PTPRM: variants seen among roughly 807,000 people sequenced by gnomAD.
PTPRM encodes the protein receptor-type tyrosine-protein phosphatase mu.
Under a neutral mutation model 186.7 loss-of-function variants are expected in PTPRM, and 47 were observed. That is an observed-to-expected ratio of 0.25 (90% confidence interval 0.20 to 0.32). The LOEUF (loss-of-function observed/expected upper bound fraction) is 0.32. Ranked by LOEUF, PTPRM falls within the 10% of genes least tolerant of loss-of-function variation. The pLI, the probability that PTPRM is intolerant of heterozygous loss-of-function variation, is 1.00. For missense variants in PTPRM, 1,494 were observed against 1,865.0 expected, an observed-to-expected ratio of 0.80 and a Z score of 3.66; for synonymous variants, 668 against 674.9, an observed-to-expected ratio of 0.99 and a Z score of 0.16.
chr18:8,028,569 A>G (rs1025681085), intron 7 of PTPRM, among the ~76,000 whole-genome samples: 9 of 152,258 alleles, frequency 5.9e-5, no homozygotes, highest in Admixed American at 2.6e-4. Flanking sequence ...CATTAAAACC[A>G]TATGTGTAAA....
At chr18:8,280,747 C>T (rs80006423) in intron 19 of PTPRM, among the ~76,000 whole-genome samples, 6,352 of 152,222 alleles carry the variant, frequency 0.042, 170 homozygotes, top group Middle Eastern at 0.082. Flanking sequence ...TAGAACTGCC[C>T]TTACGTTCTT....
intron 7 of PTPRM, among the ~76,000 whole-genome samples, chr18:7,980,507 C>G (rs1366866928): frequency 6.6e-6 from 1 of 151,986 alleles, no homozygotes; most frequent in Non-Finnish European, 1.5e-5. Flanking sequence ...CCTCAGCCTC[C>G]CAGGTAGCTA....
rs1448044959 is a variant in PTPRM at position 8,370,927 on chromosome 18, T to C, written c.3092T>C (p.Ile1031Thr). Residue 1031 changes from isoleucine (I) to threonine (T), a missense_variant, in exon 24 of 33, where the codon ATA (isoleucine) becomes ACA (threonine). Ile to Thr is a moderately conservative substitution (Grantham distance 89). Around this residue, in one of 3 missense-constraint regions of PTPRM, gnomAD observed 1,107 missense variants for 1,350.2 expected, o/e 0.82. Transcript: ENST00000580170. ...CCKYWPDDTE[I>T]YKDIKVTLIE... ...AAATACTGGCCAGATGACACAGAGA[T>C]ATATAAAGACATTAAAGTTACCCTA... 1 of 1,605,718 alleles carries C rather than the reference T, an allele frequency of 6.2e-7. No individual in the cohort carries two copies. Among genetic ancestry groups the C allele is most frequent in the Non-Finnish European group, 8.5e-7 (1 of 1,173,532 alleles).
intron 13 of PTPRM, among the ~76,000 whole-genome samples, chr18:8,118,425 C>A (rs943127835): frequency 2.0e-5 from 3 of 152,130 alleles, no homozygotes; most frequent in African/African-American, 7.2e-5. Context: ...CAAGCTTGTA[C>A]AACCCATGGC....
chr18:8,290,053 G>A (rs1255486516), intron 19 of PTPRM, among the ~76,000 whole-genome samples: 2 of 152,102 alleles, frequency 1.3e-5, no homozygotes, highest in African/African-American at 4.8e-5. Context: ...TGGCCCATCA[G>A]GCAAAGTTAG....
chr18:7,705,329 GT>G (rs1568041119), intron 1 of PTPRM, among the ~76,000 whole-genome samples: 12 of 129,968 alleles, frequency 9.2e-5, no homozygotes, highest in Admixed American at 8.5e-4. Context: ...CTATCTATCT[GT>G]CTATCTAGCT....
chr18:7,654,481 T>C (rs2038801581), intron 1 of PTPRM, among the ~76,000 whole-genome samples: 1 of 152,226 alleles, frequency 6.6e-6, no homozygotes, highest in African/African-American at 2.4e-5. Flanking sequence ...TTTTTGCTTC[T>C]GTTGCAGTTG....
At chr18:7,606,145 G>C (rs554948131) in intron 1 of PTPRM, among the ~76,000 whole-genome samples, 2 of 151,948 alleles carry the variant, frequency 1.3e-5, no homozygotes, top group African/African-American at 4.8e-5. Context: ...AAAGTCCTGC[G>C]GATCTAGTGG....
rs529414107 is a variant in PTPRM at position 8,045,372 on chromosome 18, A to G, written c.1133-24314A>G. On this transcript the variant is annotated intron_variant, in intron 7 of 32. Transcript: ENST00000580170. ...AAACAAAACTTAAACACGAATGTTC[A>G]CAGCAACATTTGTCATAATGGCCAA... Among the ~76,000 whole-genome samples, 4 of 152,340 alleles carry G rather than the reference A, an allele frequency of 2.6e-5. No homozygotes were observed. The East Asian group carries it at 7.7e-4, about 29-fold the overall frequency.
intron 2 of PTPRM, 178 bp from the exon 3 acceptor site, chr18:7,887,927 TA>T (rs2048867189): frequency 1.3e-6 from 1 of 793,156 alleles, no homozygotes; most frequent in Admixed American, 1.7e-5. Context: ...TGAGAACATA[TA>T]GGGGGATGAT....
chr18:8,175,469 A>G (rs2093467157), intron 14 of PTPRM, among the ~76,000 whole-genome samples: 1 of 152,162 alleles, frequency 6.6e-6, no homozygotes, highest in Non-Finnish European at 1.5e-5. Context: ...CTTTGTTTTT[A>G]TTTTTGTTTT....
At chr18:8,016,530 C>CAAAAAAAAAAAAAAAAAAAAAAAAA (rs563624187) in intron 7 of PTPRM, among the ~76,000 whole-genome samples, 1 of 70,214 alleles carries the variant, frequency 1.4e-5, no homozygotes, top group African/African-American at 5.1e-5. Context: ...AAGAGTCTGT[C>CAAAAAAAAAAAAAAAAAAAAAAAAA]AAAAAAAAAA....
chr18:8,118,903 G>A (rs1317815898), intron 13 of PTPRM, among the ~76,000 whole-genome samples: 1 of 149,188 alleles, frequency 6.7e-6, no homozygotes, highest in African/African-American at 2.5e-5. Flanking sequence ...TGTGGCCCAA[G>A]ACACTTCTTC....
At chr18:7,824,250 A>T (rs2045361662) in intron 2 of PTPRM, among the ~76,000 whole-genome samples, 2 of 152,104 alleles carry the variant, frequency 1.3e-5, no homozygotes, top group Non-Finnish European at 2.9e-5. Flanking sequence ...TGCATTTGGG[A>T]CATCACTGTT....
At chr18:8,314,888 T>C in intron 21 of PTPRM, 31 bp downstream of exon 21, 4 of 1,399,166 alleles carry the variant, frequency 2.9e-6, no homozygotes, top group Non-Finnish European at 4.0e-6. Flanking sequence ...AATTGATATA[T>C]AATTGTTGTA....
intron 19 of PTPRM, among the ~76,000 whole-genome samples, chr18:8,277,971 A>G (rs551072979): frequency 6.6e-6 from 1 of 152,334 alleles, no homozygotes; most frequent in African/African-American, 2.4e-5. Flanking sequence ...ACTATGGAAA[A>G]ACATAAGCAT....
chr18:8,268,078 G>A (rs1196637335), intron 19 of PTPRM, among the ~76,000 whole-genome samples: 1 of 152,168 alleles, frequency 6.6e-6, no homozygotes, highest in East Asian at 1.9e-4. Context: ...AATCACCAAG[G>A]CCATGGGAAA....
At chr18:7,587,971 A>T (rs928126855) in intron 1 of PTPRM, among the ~76,000 whole-genome samples, 1 of 152,190 alleles carries the variant, frequency 6.6e-6, no homozygotes, top group Non-Finnish European at 1.5e-5. Context: ...ATGATATGAC[A>T]GATTACTAAA....
intron 1 of PTPRM, among the ~76,000 whole-genome samples, chr18:7,630,889 A>T (rs1169660486): frequency 1.3e-5 from 2 of 152,160 alleles, no homozygotes; most frequent in African/African-American, 4.8e-5. Flanking sequence ...GGTTGCAGGC[A>T]TATAGTGTAG....
Sources: gnomAD v4.1 joint callset for allele counts (sites outside exome capture counted in the v4.1 genomes callset) on GRCh38, gnomAD v4.1.1 for gene constraint, gnomAD v4.1.1 regional missense constraint, MANE v1.5 for transcripts, NCBI Gene and HGNC (gene_info 2026-07-23, HGNC 2026-07-21) for gene names.